The following CSGALNACT1 variants were observed in gnomAD, a reference collection of about 807,000 sequenced individuals.
CSGALNACT1 encodes the protein beta4GalNAcT-1.
Under a neutral mutation model 51.0 loss-of-function variants are expected in CSGALNACT1, and 52 were observed. The ratio of observed to expected loss-of-function variants is 1.02; its 90% CI spans 0.82 to 1.29. CSGALNACT1 has a LOEUF of 1.29. Ranked by LOEUF, CSGALNACT1 falls within the 50% of genes most tolerant of loss-of-function variation. The probability of loss-of-function intolerance (pLI) is 0.00; values close to 1 mark genes in which losing one functional copy is unlikely to be tolerated. For synonymous variants in CSGALNACT1, 341 were observed against 254.4 expected, an observed-to-expected ratio of 1.34 and a Z score of -3.24; for missense variants, 935 against 679.2, an observed-to-expected ratio of 1.38 and a Z score of -4.19.
intron 3 of CSGALNACT1, among the ~76,000 whole-genome samples, chr8:19,556,855 AC>A (rs1298002691): frequency 1.3e-5 from 2 of 152,074 alleles, no homozygotes; most frequent in Admixed American, 1.3e-4. Flanking sequence ...CCAGATGTAA[AC>A]TAAAATTGAA....
chr8:19,616,499 T>C (rs1289648419), intron 1 of CSGALNACT1, among the ~76,000 whole-genome samples: 4 of 152,150 alleles, frequency 2.6e-5, no homozygotes, highest in East Asian at 1.9e-4. Context: ...ATATTTGATA[T>C]AGTTTAGACA....
At chr8:19,721,847 C>A (rs903452556) in intron 1 of CSGALNACT1, among the ~76,000 whole-genome samples, 9 of 152,088 alleles carry the variant, frequency 5.9e-5, no homozygotes, top group Non-Finnish European at 1.3e-4. Context: ...TTCTATGGAT[C>A]ATTAAATGTA....
At chr8:19,721,736 G>A (rs574934918) in intron 1 of CSGALNACT1, among the ~76,000 whole-genome samples, 6 of 152,256 alleles carry the variant, frequency 3.9e-5, no homozygotes, top group South Asian at 4.1e-4. Flanking sequence ...GAAATATCAC[G>A]CATTATGCTG....
intron 3 of CSGALNACT1, among the ~76,000 whole-genome samples, chr8:19,565,126 T>C (rs1389337211): frequency 6.6e-6 from 1 of 152,246 alleles, no homozygotes; most frequent in Non-Finnish European, 1.5e-5. Flanking sequence ...TCCTACTGTA[T>C]ATAGAGAGAA....
chr8:19,505,217 G>A (rs1396822045), exon 4 of CSGALNACT1: 1 of 1,614,118 alleles, frequency 6.2e-7, no homozygotes, highest in Non-Finnish European at 8.5e-7. Flanking sequence ...TGAAATCAGA[G>A]GCCGTGTAAG....
chr8:19,503,608 G>A (rs557649655), intron 4 of CSGALNACT1, among the ~76,000 whole-genome samples: 19 of 151,982 alleles, frequency 1.3e-4, no homozygotes, highest in Non-Finnish European at 1.9e-4. Context: ...TTCCCTGAGG[G>A]TCGGCTAGTA....
chr8:19,732,847 T>C (rs1427556769), intron 1 of CSGALNACT1, among the ~76,000 whole-genome samples: 1 of 152,242 alleles, frequency 6.6e-6, no homozygotes, highest in Non-Finnish European at 1.5e-5. Context: ...AGAATGCAAA[T>C]AATTTTCTAA....
chr8:19,536,131 A>G (rs974254458), intron 3 of CSGALNACT1, among the ~76,000 whole-genome samples: 1 of 152,208 alleles, frequency 6.6e-6, no homozygotes, highest in African/African-American at 2.4e-5. Context: ...CAAAGGATAT[A>G]AGATCAATAT....
chr8:19,433,688 G>C (rs2059974000), intron 6 of CSGALNACT1, among the ~76,000 whole-genome samples: 1 of 152,184 alleles, frequency 6.6e-6, no homozygotes, highest in South Asian at 2.1e-4. Context: ...CTCTGGTTGT[G>C]ATGTTTTAAA....
intron 3 of CSGALNACT1, among the ~76,000 whole-genome samples, chr8:19,554,802 C>T (rs1458792157): frequency 6.6e-6 from 1 of 152,106 alleles, no homozygotes; most frequent in African/African-American, 2.4e-5. Context: ...CCTGTAGTCC[C>T]AGCTACTCAG....
At chr8:19,428,823 ATATGTGTG>A (rs1444414628) in intron 6 of CSGALNACT1, among the ~76,000 whole-genome samples, 12 of 51,292 alleles carry the variant, frequency 2.3e-4, no homozygotes, top group South Asian at 2.3e-3. Context: ...ATAAGACATG[ATATGTGTG>A]TGTGTGTGTG....
chr8:19,584,083 A>C (rs1291465986), intron 3 of CSGALNACT1, among the ~76,000 whole-genome samples: 1 of 152,222 alleles, frequency 6.6e-6, no homozygotes, highest in Non-Finnish European at 1.5e-5. Context: ...ATTAAAGGCA[A>C]CACTGAAGTA....
intron 1 of CSGALNACT1, among the ~76,000 whole-genome samples, chr8:19,695,087 C>T (rs1025302722): frequency 1.1e-4 from 17 of 152,148 alleles, no homozygotes; most frequent in Admixed American, 5.9e-4. Flanking sequence ...TTGAACAGCA[C>T]CCAACATTGT....
At chr8:19,452,197 G>T (rs1350831285) in intron 5 of CSGALNACT1, among the ~76,000 whole-genome samples, 1 of 152,140 alleles carries the variant, frequency 6.6e-6, no homozygotes, top group Non-Finnish European at 1.5e-5. Context: ...CCTCCAAAAG[G>T]GAAGCTCGTT....
chr8:19,566,283 G>C (rs562284222), intron 3 of CSGALNACT1, among the ~76,000 whole-genome samples: 1 of 152,194 alleles, frequency 6.6e-6, no homozygotes, highest in South Asian at 2.1e-4. Flanking sequence ...AGACTGGAAT[G>C]ATGTGATCTA....
chr8:19,708,823 T>C (rs951768174), intron 1 of CSGALNACT1, among the ~76,000 whole-genome samples: 2 of 152,054 alleles, frequency 1.3e-5, no homozygotes, highest in African/African-American at 4.8e-5. Context: ...GGCAGGTGAG[T>C]GCTCCCTATT....
At chr8:19,639,883 T>G (rs1204343840) in intron 1 of CSGALNACT1, among the ~76,000 whole-genome samples, 2 of 151,936 alleles carry the variant, frequency 1.3e-5, no homozygotes, top group Non-Finnish European at 1.5e-5. Context: ...TTTGTTTTGT[T>G]TTTGTTTGTT....
intron 3 of CSGALNACT1, among the ~76,000 whole-genome samples, chr8:19,535,127 T>G (rs979949800): frequency 6.6e-6 from 1 of 152,216 alleles, no homozygotes; most frequent in Admixed American, 6.5e-5. Context: ...CCTAACACAT[T>G]TAAACATTTT....
chr8:19,707,610 T>C (rs1477688647), intron 1 of CSGALNACT1, among the ~76,000 whole-genome samples: 1 of 146,650 alleles, frequency 6.8e-6, no homozygotes, highest in African/African-American at 2.5e-5. Context: ...GGGTATTAAA[T>C]CACCCTCTAC....
Sources: gnomAD v4.1 joint callset for allele counts (sites outside exome capture counted in the v4.1 genomes callset) on GRCh38, gnomAD v4.1.1 for gene constraint, MANE v1.5 for transcripts, NCBI Gene and HGNC (gene_info 2026-07-23, HGNC 2026-07-21) for gene names.